The following RIT2 variants were observed in gnomAD, a reference collection of about 807,000 sequenced individuals.
The protein encoded by RIT2 is GTP-binding protein Rit2.
A neutral mutation model predicts 23.7 loss-of-function variants in RIT2; 24 were observed. That is an observed-to-expected ratio of 1.01 (90% confidence interval 0.73 to 1.43). The LOEUF is 1.43. Ranked by LOEUF, RIT2 falls within the 40% of genes most tolerant of loss-of-function variation. The pLI, the probability that RIT2 is intolerant of heterozygous loss-of-function variation, is 0.00. For missense variants in RIT2, 236 were observed against 266.9 expected (o/e 0.88, Z 0.81); for synonymous variants, 107 against 91.1 (o/e 1.17, Z -0.99).
intron 4 of RIT2, among the ~76,000 whole-genome samples, chr18:42,776,347 G>C (rs1412643868): frequency 6.6e-6 from 1 of 152,116 alleles, no homozygotes; most frequent in African/African-American, 2.4e-5. Context: ...TCTTGATACA[G>C]AAAGTACAAG....
intron 4 of RIT2, among the ~76,000 whole-genome samples, chr18:42,807,254 G>A (rs1018633639): frequency 2.6e-5 from 4 of 152,002 alleles, no homozygotes; most frequent in African/African-American, 7.3e-5. Context: ...TGGTGAATAG[G>A]TCACTCATTT....
chr18:43,039,605 C>T (rs1451049682), intron 1 of RIT2, among the ~76,000 whole-genome samples: 1 of 152,128 alleles, frequency 6.6e-6, no homozygotes, highest in African/African-American at 2.4e-5. Flanking sequence ...TCCTTGGCCT[C>T]CCAAAATGCT....
At chr18:43,087,584 T>A (rs1036839358) in intron 1 of RIT2, among the ~76,000 whole-genome samples, 6 of 152,224 alleles carry the variant, frequency 3.9e-5, no homozygotes, top group African/African-American at 1.4e-4. Flanking sequence ...ACAGTATCTG[T>A]ATTCAACAAT....
At chr18:43,115,036 T>C (rs1914035884) in intron 1 of RIT2, among the ~76,000 whole-genome samples, 1 of 152,168 alleles carries the variant, frequency 6.6e-6, no homozygotes, top group South Asian at 2.1e-4. Flanking sequence ...TGTGTTTAAT[T>C]GAATATTCAT....
At chr18:42,909,712 A>G (rs1267328926) in intron 4 of RIT2, among the ~76,000 whole-genome samples, 1 of 152,112 alleles carries the variant, frequency 6.6e-6, no homozygotes, top group Non-Finnish European at 1.5e-5. Flanking sequence ...GCAAAGCTAA[A>G]AATCAAATCA....
intron 4 of RIT2, among the ~76,000 whole-genome samples, chr18:42,756,782 T>A (rs1271112019): frequency 6.6e-6 from 1 of 152,116 alleles, no homozygotes; most frequent in Non-Finnish European, 1.5e-5. Flanking sequence ...GATTGGTTAT[T>A]GTGAATAGCT....
chr18:42,920,895 C>T, intron 4 of RIT2: 2 of 631,892 alleles, frequency 3.2e-6, no homozygotes, highest in Non-Finnish European at 5.5e-6. Context: ...TTCTTTTGAG[C>T]TGCAAACCAT....
intron 2 of RIT2, among the ~76,000 whole-genome samples, chr18:42,986,528 G>A (rs921648191): frequency 1.7e-4 from 25 of 151,120 alleles, no homozygotes; most frequent in South Asian, 4.2e-4. Context: ...TTGAGATGGC[G>A]TCTTGCTTTG....
At chr18:42,790,107 TTA>T (rs1241731833) in intron 4 of RIT2, among the ~76,000 whole-genome samples, 4 of 152,228 alleles carry the variant, frequency 2.6e-5, no homozygotes, top group Non-Finnish European at 5.9e-5. Context: ...TTAATTTTGT[TTA>T]TGTGATGTAG....
In RIT2 at chr18:42,858,215, G is replaced by A. The variant is rs538667823; in HGVS notation, c.426+65357C>T. On this transcript the variant is annotated intron_variant, in intron 4 of 4. Coordinates refer to ENST00000326695, the MANE Select transcript of RIT2 (RefSeq NM_002930.4). The stretch of plus-strand genomic sequence containing the variant: ...ACAAACATTTGCAAAGACTTTAAAA[G>A]TTTGAGTTCAAGCAGAGTTGCTCTT... Among the ~76,000 whole-genome samples, 4 of 152,246 alleles carry A rather than the reference G, an allele frequency of 2.6e-5. No individual in the cohort carries two copies. The South Asian group carries it at 8.3e-4, about 32-fold the overall frequency.
At chr18:42,812,726 C>T (rs575363617) in intron 4 of RIT2, among the ~76,000 whole-genome samples, 14 of 152,106 alleles carry the variant, frequency 9.2e-5, no homozygotes, top group African/African-American at 2.7e-4. Flanking sequence ...AAAGGTGGAT[C>T]GATGCAAGTC....
At chr18:42,943,042 G>C (rs1463479421) in intron 3 of RIT2, among the ~76,000 whole-genome samples, 2 of 152,072 alleles carry the variant, frequency 1.3e-5, no homozygotes, top group Non-Finnish European at 2.9e-5. Context: ...GACCCAAAGA[G>C]TGAGCAGCAG....
intron 4 of RIT2, among the ~76,000 whole-genome samples, chr18:42,864,610 AGTTT>A (rs1257660490): frequency 2.0e-5 from 3 of 152,138 alleles, no homozygotes; most frequent in African/African-American, 7.2e-5. Flanking sequence ...GAAATTCTTG[AGTTT>A]TTAGGGAGAA....
chr18:42,892,582 A>G lies in RIT2; in HGVS notation c.426+30990T>C, dbSNP rs1040465137. ...CATTCAGAATCTGAAGTTGCTTTGA[A>G]TCTATGCAAAGCACAATGCTTGAAA... On this transcript the variant is annotated intron_variant, in intron 4 of 4. Coordinates refer to ENST00000326695, the MANE Select transcript of RIT2 (RefSeq NM_002930.4). Among the ~76,000 whole-genome samples, 13 of 152,208 alleles carry G rather than the reference A, an allele frequency of 8.5e-5. 1 individual carries two copies. The highest frequency in any genetic ancestry group is 8.5e-4 in the Admixed American group (13 of 15,282).
At chr18:42,869,935 C>T (rs1008473088) in intron 4 of RIT2, among the ~76,000 whole-genome samples, 8 of 152,176 alleles carry the variant, frequency 5.3e-5, no homozygotes, top group Admixed American at 1.3e-4. Flanking sequence ...GGTTGAGTTC[C>T]CTGCCACCTC....
intron 2 of RIT2, among the ~76,000 whole-genome samples, chr18:43,026,473 G>A (rs113395019): frequency 0.051 from 7,706 of 151,474 alleles, 399 homozygotes; most frequent in East Asian, 0.24. Flanking sequence ...AGAATCACTT[G>A]AACCCGGGAG....
At chr18:42,779,396 C>T (rs566611073) in intron 4 of RIT2, among the ~76,000 whole-genome samples, 96 of 152,224 alleles carry the variant, frequency 6.3e-4, no homozygotes, top group Non-Finnish European at 1.9e-4. Flanking sequence ...AAACACATAA[C>T]CTGATCACAT....
chr18:43,111,818 G>A (rs1366951429), intron 1 of RIT2, among the ~76,000 whole-genome samples: 1 of 152,088 alleles, frequency 6.6e-6, no homozygotes, highest in African/African-American at 2.4e-5. Context: ...GGTGTCAGAA[G>A]GACTGGATTC....
At chr18:42,758,680 A>ATTTTTTTT (rs11371811) in intron 4 of RIT2, among the ~76,000 whole-genome samples, 3 of 139,846 alleles carry the variant, frequency 2.1e-5, no homozygotes, top group Non-Finnish European at 3.1e-5. Context: ...CACCCGGCTA[A>ATTTTTTTT]TTTTTTTTTT....
Sources: gnomAD v4.1 joint callset for allele counts (sites outside exome capture counted in the v4.1 genomes callset) on GRCh38, gnomAD v4.1.1 for gene constraint, MANE v1.5 for transcripts, NCBI Gene and HGNC (gene_info 2026-07-23, HGNC 2026-07-21) for gene names.